The following MYO15A variants were observed in gnomAD, a reference collection of about 807,000 sequenced individuals.
MYO15A encodes the protein unconventional myosin-XV.
MYO15A carries 308 observed loss-of-function variants against 394.6 expected under a neutral mutation model. The observed-to-expected ratio is 0.78, with a 90% confidence interval of 0.71 to 0.86. The LOEUF is 0.86. Among genes scored for constraint, MYO15A ranks in the 40% least tolerant of loss-of-function variants. The pLI, the probability that MYO15A is intolerant of heterozygous loss-of-function variation, is 0.00. For synonymous variants in MYO15A, 1,957 were observed against 2,003.8 expected (o/e 0.98, Z 0.62); for missense variants, 4,606 against 4,799.1 (o/e 0.96, Z 1.19).
Position 18,145,951 on chromosome 17 carries a change from T to A in MYO15A, c.6353T>A (p.Leu2118Gln), listed in dbSNP as rs992422775. Reference sequence around the variant, plus strand: ...GGGAACTACATCGTGCAGAAGGGGCTGGCGGTGCCTGAGCTGCGGGATGAG... The same window carrying A: ...GGGAACTACATCGTGCAGAAGGGGCAGGCGGTGCCTGAGCTGCGGGATGAG... ...IFGNYIVQKG[L>Q]AVPELRDEIL... The change falls in exon 30 of 66, where the codon CTG becomes CAG. Residue 2118 changes from leucine (L) to glutamine (Q), a missense_variant. Physicochemically the swap from Leu to Gln is moderately radical, Grantham distance 113. Coordinates refer to ENST00000647165, the MANE Select transcript of MYO15A (RefSeq NM_016239.4). 6.2e-7 allele frequency: 1 copy of A among 1,613,774 alleles called. No individual in the cohort carries two copies. Among genetic ancestry groups the A allele is most frequent in the African/African-American group, 1.3e-5 (1 of 75,038 alleles).
Position 18,117,028 on chromosome 17 carries a change from A to C in MYO15A, c.-219-1554A>C, listed in dbSNP as rs1324204625. On this transcript the variant is annotated intron_variant, in intron 1 of 65. Transcript: ENST00000647165. The surrounding 1 kb of genome is among the most constrained non-coding windows in gnomAD (Gnocchi z 4.1). ...AGAAGGGAGAGTGGGCAGCCCCTCAAACTCCTGCTGTGCAGGAGGCCCACT... is the reference window on the plus strand; with the variant it reads ...AGAAGGGAGAGTGGGCAGCCCCTCACACTCCTGCTGTGCAGGAGGCCCACT... Among the ~76,000 whole-genome samples, 2 of 152,014 alleles carry C rather than the reference A, an allele frequency of 1.3e-5. No individual in the cohort carries two copies. Among genetic ancestry groups the C allele is most frequent in the Non-Finnish European group, 2.9e-5 (2 of 67,986 alleles).
In MYO15A at chr17:18,157,733, G is replaced by A. The variant is rs751535070; in HGVS notation, c.8800G>A (p.Gly2934Arg). 12 of 1,606,180 alleles carry A rather than the reference G, an allele frequency of 7.5e-6. No homozygotes were observed. Among genetic ancestry groups the A allele is most frequent in the Admixed American group, 5.0e-5 (3 of 60,000 alleles). ...RRGPDFGWRF[G>R]TIHGRVGRFP... is the part of the protein sequence containing the mutation. The stretch of plus-strand genomic sequence containing the variant: ...TTACCCACCCCTAGGCTGGAGGTTC[G>A]GGACCATCCACGGGCGCGTGGGCCG... Residue 2934 changes from glycine to arginine, a missense_variant, in exon 51 of 66, where the codon GGG (glycine) becomes AGG (arginine). Physicochemically the swap from Gly to Arg is moderately radical, Grantham distance 125. Transcript: ENST00000647165.
At chr17:18,172,107 G>T in intron 63 of MYO15A, 50 bp from the exon 64 acceptor site, 1 of 1,613,218 alleles carries the variant, frequency 6.2e-7, no homozygotes, top group South Asian at 1.1e-5. Flanking sequence ...CATGGCTGTT[G>T]TCAGTGAGCC....
chr17:18,155,512 A>T, intron 47 of MYO15A, 80 bp downstream of exon 47: 1 of 1,307,396 alleles, frequency 7.6e-7, no homozygotes, highest in Non-Finnish European at 1.1e-6. Flanking sequence ...CTCCACAGCC[A>T]CTTACCAAGT....
At position 18,121,625 on chromosome 17, in the gene MYO15A, C is replaced by T. The variant is rs758173364; in HGVS notation, c.2825C>T (p.Pro942Leu). 5.6e-6 allele frequency: 9 copies of T among 1,602,998 alleles called. No homozygotes were observed. The Admixed American group carries it at 6.7e-5, about 12-fold the overall frequency. The part of the protein sequence containing the change: ...DMPPTQRPPS[P>L]WPGGAGSRRG... ...CCTCCCACCCAACGCCCACCCTCCC[C>T]CTGGCCAGGAGGTGCAGGCAGCCGC... Residue 942 changes from proline to leucine, a missense_variant, in exon 2 of 66, where the codon CCC becomes CTC. Transcript: ENST00000647165. This position sits in a 1 kb window ranked among gnomAD's most constrained non-coding sequence, Gnocchi z 5.3.
chr17:18,119,801 G>T lies in MYO15A; in HGVS notation c.1001G>T (p.Gly334Val). 1.2e-6 allele frequency: 2 copies of T among 1,613,126 alleles called. No individual in the cohort carries two copies. The highest frequency in any genetic ancestry group is 1.7e-6 in the Non-Finnish European group (2 of 1,179,970). The part of the protein sequence containing the change: ...SPYSYHDGYE[G>V]EAHPYGYYLD... ...TACAGCTACCACGATGGGTACGAGGGCGAGGCGCACCCTTATGGCTACTAC... is the reference window on the plus strand; with the variant it reads ...TACAGCTACCACGATGGGTACGAGGTCGAGGCGCACCCTTATGGCTACTAC... The change falls in exon 2 of 66, where the codon GGC becomes GTC. Residue 334 changes from glycine to valine, a missense_variant. Physicochemically the swap from Gly to Val is moderately radical, Grantham distance 109. This residue lies in a region of MYO15A where 1,830 missense variants were observed against 1,689.7 expected (regional missense o/e 1.08). Transcript: ENST00000647165.
intron 56 of MYO15A, chr17:18,160,842 C>CTCT: frequency 2.9e-6 from 1 of 340,114 alleles, no homozygotes; most frequent in Non-Finnish European, 5.8e-6. Context: ...TGTGTGCATG[C>CTCT]TCTTGTTACC....
rs1398384750 is a variant in MYO15A, at chr17:18,137,676, G to A, written c.4872G>A (p.Glu1624=). Residue 1624 remains glutamate (E), a synonymous_variant, in exon 16 of 66, where the codon GAG becomes GAA. Transcript: ENST00000647165. ...YLFNKIVFQE[E]QEEYIREQID... ...TCAACAAGATCGTCTTCCAGGAGGA[G>A]CAGGTGTGTGGGCCCCATTAATACT... The A allele has an allele frequency of 1.2e-6, 2 of 1,614,018 alleles. No individual in the cohort carries two copies. The highest frequency in any genetic ancestry group is 8.5e-7 in the Non-Finnish European group (1 of 1,179,954).
rs1488419872 is a variant in MYO15A, at chr17:18,121,510, CT to C, written c.2711del (p.Leu904ArgfsTer82). On this transcript the variant is annotated frameshift_variant, in exon 2 of 66. Transcript: ENST00000647165. LOFTEE classifies it high-confidence loss of function. This position sits in a 1 kb window ranked among gnomAD's most constrained non-coding sequence, Gnocchi z 5.3. The part of the protein sequence containing the change: ...PPRAGAWRAP[L>X]EHRESPREPE... ...CAGGGCCGGGGCCTGGCGGGCGCCC[CT>C]GGAACACCGGGAGAGCCCGCGAGAA... 1.9e-6 allele frequency: 3 copies of C among 1,556,346 alleles called. No individual in the cohort carries two copies. The highest frequency in any genetic ancestry group is 2.6e-6 in the Non-Finnish European group (3 of 1,150,626).
At position 18,144,556 on chromosome 17, in the gene MYO15A, C is replaced by A; in HGVS notation, c.6237C>A (p.Ala2079=). Residue 2079 remains alanine (A), a synonymous_variant, in exon 29 of 66, where the codon GCC becomes GCA. Transcript: ENST00000647165. ...GGACACCCCTCACGCAGCTGCCAGC[C>A]GAGCACCATGCAGAAGCCGTGAGCA... ...PLRTPLTQLP[A]EHHAEAVSIF... 2 of 1,613,130 alleles carry A rather than the reference C, an allele frequency of 1.2e-6. No homozygotes were observed. The highest frequency in any genetic ancestry group is 8.5e-7 in the Non-Finnish European group (1 of 1,180,008).
In MYO15A at chr17:18,173,897, C is replaced by T. The variant is rs769144222; in HGVS notation, c.10467C>T (p.Arg3489=). ...EIALGDVAAQ[R]TLQLQLEQGL... ...CGCTGGGGGACGTGGCGGCCCAGCG[C>T]ACCTTGCAGCTGCAGCTGGAGCAGG... The change falls in exon 65 of 66, where the codon CGC becomes CGT. Residue 3489 remains arginine (R), a synonymous_variant. Transcript: ENST00000647165. 1 of 1,612,934 alleles carries T rather than the reference C, an allele frequency of 6.2e-7. No homozygotes were observed. The highest frequency in any genetic ancestry group is 1.1e-5 in the South Asian group (1 of 91,026).
rs190261589 is a variant in MYO15A at position 18,175,792 on chromosome 17, C to T, written c.10491+1871C>T. 1.0e-3 allele frequency among the ~76,000 whole-genome samples: 159 copies of T among 152,296 alleles called. 1 individual carries two copies. In the East Asian group the frequency reaches 0.022, roughly 21 times the overall value. On this transcript the variant is annotated intron_variant, in intron 65 of 65. Coordinates refer to ENST00000647165, the MANE Select transcript of MYO15A (RefSeq NM_016239.4). ...TCTCCAGCTTTCCTCCCGATCCTCC[C>T]AGGCACTCAGGCCCCAAATCTGGGA...
At chr17:18,151,706 A>G in intron 40 of MYO15A, 140 bp from the exon 41 acceptor site, 1 of 1,156,160 alleles carries the variant, frequency 8.6e-7, no homozygotes, top group Non-Finnish European at 1.3e-6. Flanking sequence ...GTAGGACTTC[A>G]GGCCAGTCTC....
chr17:18,124,229 C>T (rs2045990352), intron 2 of MYO15A: 1 of 569,268 alleles, frequency 1.8e-6, no homozygotes, highest in East Asian at 3.1e-5. Context: ...TGTTCACCCC[C>T]TAGGGCAGGA....
At chr17:18,139,707 C>A in intron 19 of MYO15A, 96 bp downstream of exon 19, 2 of 1,409,814 alleles carry the variant, frequency 1.4e-6, no homozygotes, top group Non-Finnish European at 2.0e-6. Flanking sequence ...GTTGCCACGT[C>A]CTGGCTCCGC....
intron 17 of MYO15A, 114 bp downstream of exon 17, chr17:18,138,360 G>A: frequency 7.2e-7 from 1 of 1,383,964 alleles, no homozygotes; most frequent in Non-Finnish European, 9.9e-7. Flanking sequence ...CAGGCAGTGG[G>A]GGGTTGGGAC....
intron 1 of MYO15A, among the ~76,000 whole-genome samples, chr17:18,116,176 G>C (rs1345493307): frequency 1.3e-5 from 2 of 152,250 alleles, no homozygotes; most frequent in Non-Finnish European, 2.9e-5. Flanking sequence ...TGGGGTAGCG[G>C]TGGGCAAGCA....
chr17:18,133,135 C>T, intron 11 of MYO15A, 90 bp from the exon 12 acceptor site: 1 of 1,387,210 alleles, frequency 7.2e-7, no homozygotes, highest in Non-Finnish European at 1.0e-6. Flanking sequence ...CAACTCAGGC[C>T]ACCACACTAC....
At position 18,137,376 on chromosome 17, in the gene MYO15A, C is replaced by T. The variant is rs854784; in HGVS notation, c.4780-208C>T. 0.49 allele frequency among the ~76,000 whole-genome samples: 75,132 copies of T among 152,046 alleles called. 19,170 individuals are homozygous for T. The highest frequency in any genetic ancestry group is 0.59 in the East Asian group (3,039 of 5,152). ...CAGCATTTGAACCCAGGCAGAAGGC[C>T]CCAGAGCCTTGGCCTTCAGGCACTG... On this transcript the variant is annotated intron_variant, in intron 15 of 65. Transcript: ENST00000647165.
Sources: allele counts gnomAD v4.1 joint callset (sites outside exome capture counted in the v4.1 genomes callset), GRCh38; gene constraint gnomAD v4.1.1; regional missense constraint gnomAD v4.1.1; non-coding constraint Gnocchi (gnomAD v3.1); transcripts MANE v1.5; gene names NCBI Gene and HGNC (gene_info 2026-07-23, HGNC 2026-07-21).